Variants in APC observed in about 807,000 individuals in gnomAD.
The protein encoded by APC is adenomatous polyposis coli protein.
A neutral mutation model predicts 247.0 loss-of-function variants in APC; 72 were observed. The ratio of observed to expected loss-of-function variants is 0.29; its 90% CI spans 0.24 to 0.35. The LOEUF (loss-of-function observed/expected upper bound fraction) is 0.35. APC is among the 10% of genes least tolerant of loss of function. The pLI, the probability that APC is intolerant of heterozygous loss-of-function variation, is 1.00. For missense variants in APC, 3,400 were observed against 3,360.7 expected (o/e 1.01, Z -0.29); for synonymous variants, 1,254 against 1,162.5 (o/e 1.08, Z -1.60).
chr5:112,782,363 GAC>G (rs1758442833), intron 6 of APC, among the ~76,000 whole-genome samples: 2 of 152,080 alleles, frequency 1.3e-5, no homozygotes, highest in South Asian at 4.1e-4. Context: ...TTTGGGTGGG[GAC>G]ACAGCCAAAC....
At chr5:112,724,106 A>G (rs1162704805) in intron 1 of APC, among the ~76,000 whole-genome samples, 1 of 152,254 alleles carries the variant, frequency 6.6e-6, no homozygotes, top group Non-Finnish European at 1.5e-5. Flanking sequence ...TATTGTTAGT[A>G]AAGATGAAAA....
At chr5:112,727,762 A>G (rs1171987997) in intron 1 of APC, among the ~76,000 whole-genome samples, 1 of 152,010 alleles carries the variant, frequency 6.6e-6, no homozygotes, top group South Asian at 2.1e-4. Context: ...GGTAACCTTC[A>G]GTCACTAAGC....
At chr5:112,750,119 C>T (rs571281660) in intron 1 of APC, among the ~76,000 whole-genome samples, 4 of 151,680 alleles carry the variant, frequency 2.6e-5, no homozygotes, top group South Asian at 4.2e-4. Context: ...TATGCCACCA[C>T]GCCTGGCTAA....
chr5:112,777,730 T>C (rs1661032), intron 5 of APC: 17,272 of 235,122 alleles, frequency 0.073, 739 homozygotes, highest in Middle Eastern at 0.13. Context: ...TTTGCCTCTT[T>C]TGCCAGCAGC....
At chr5:112,776,339 C>T (rs995956412) in intron 5 of APC, among the ~76,000 whole-genome samples, 2 of 152,078 alleles carry the variant, frequency 1.3e-5, no homozygotes, top group African/African-American at 4.8e-5. Context: ...AAAGATCGAA[C>T]CTGCATATAA....
chr5:112,761,923 A>G (rs1413070706), intron 2 of APC, among the ~76,000 whole-genome samples: 4 of 152,218 alleles, frequency 2.6e-5, no homozygotes, highest in African/African-American at 9.6e-5. Flanking sequence ...TTTTCAGAAG[A>G]CTTCATTAAG....
chr5:112,765,356 T>C (rs1388818369), intron 2 of APC, among the ~76,000 whole-genome samples: 4 of 152,162 alleles, frequency 2.6e-5, no homozygotes, highest in Admixed American at 1.3e-4. Flanking sequence ...TCAAGTGACC[T>C]TCCTGCCTTA....
At chr5:112,804,384 A>G in intron 8 of APC, among the ~76,000 whole-genome samples, 1 of 152,184 alleles carries the variant, frequency 6.6e-6, no homozygotes, top group South Asian at 2.1e-4. Flanking sequence ...GACTTAGGTA[A>G]TTATAACTTT....
In APC at chr5:112,844,104, C is replaced by G. The variant is rs760103966; in HGVS notation, c.8510C>G (p.Ser2837Cys). ...GTQSPKRHSG[S>C]YLVTSV ...CAAAGTCCTAAGCGCCATTCTGGGTCTTACCTTGTGACATCTGTTTAAAAG... is the reference window on the plus strand; with the variant it reads ...CAAAGTCCTAAGCGCCATTCTGGGTGTTACCTTGTGACATCTGTTTAAAAG... The change falls in exon 16 of 16, where the codon TCT (serine) becomes TGT (cysteine). Residue 2837 changes from serine to cysteine, a missense_variant. By Grantham distance (112) the Ser-to-Cys change is moderately radical. Coordinates refer to ENST00000257430, the MANE Select transcript of APC (RefSeq NM_000038.6). 1 of 1,613,098 alleles carries G rather than the reference C, an allele frequency of 6.2e-7. No individual in the cohort carries two copies. Among genetic ancestry groups the G allele is most frequent in the East Asian group, 2.2e-5 (1 of 44,886 alleles).
Position 112,843,366 on chromosome 5 carries a change from A to G in APC, c.7772A>G (p.His2591Arg), listed in dbSNP as rs375393416. The G allele has an allele frequency of 6.2e-7, 1 of 1,613,934 alleles. No homozygotes were observed. Among genetic ancestry groups the G allele is most frequent in the Non-Finnish European group, 8.5e-7 (1 of 1,179,862 alleles). Residue 2591 changes from histidine (H) to arginine (R), a missense_variant, in exon 16 of 16, where the codon CAT becomes CGT. Physicochemically the swap from His to Arg is conservative, Grantham distance 29. This residue lies in a region of APC where 1,788 missense variants were observed against 1,649.5 expected (regional missense o/e 1.08). Transcript: ENST00000257430. The surrounding 1 kb of genome is among the most constrained non-coding windows in gnomAD (Gnocchi z 4.8). ...AAAGCAAAAAGTGAGGATGAAAAAC[A>G]TGTGAACTCTATTTCAGGAACCAAA... ...SEKAKSEDEK[H>R]VNSISGTKQS...
rs201079017 is a variant in APC at position 112,828,990 on chromosome 5, T to C, written c.1743+18T>C. 16 of 1,537,320 alleles carry C rather than the reference T, an allele frequency of 1.0e-5. No individual in the cohort carries two copies. Among genetic ancestry groups the C allele is most frequent in the Middle Eastern group, 1.7e-4 (1 of 5,906 alleles). On this transcript the variant is annotated intron_variant, in intron 14 of 15. Coordinates refer to ENST00000257430, the MANE Select transcript of APC (RefSeq NM_000038.6). ...TTAAAAAGGTACCTTTGAAAACATT[T>C]AGTACTATAATATGAATTTCATGTT...
upstream of APC, among the ~76,000 whole-genome samples, chr5:112,733,203 G>A (rs75760416): frequency 0.037 from 5,566 of 152,250 alleles, 323 homozygotes; most frequent in African/African-American, 0.13. Context: ...TTCTGAAATA[G>A]TTGGAGATAA....
chr5:112,724,255 G>T (rs1351384578), intron 1 of APC, among the ~76,000 whole-genome samples: 1 of 152,000 alleles, frequency 6.6e-6, no homozygotes, highest in Non-Finnish European at 1.5e-5. Context: ...TAGTTATGAA[G>T]AAGAAAAAGC....
intron 6 of APC, among the ~76,000 whole-genome samples, chr5:112,781,374 A>G (rs747456781): frequency 3.9e-5 from 6 of 152,228 alleles, no homozygotes; most frequent in Non-Finnish European, 7.3e-5. Context: ...TCTACCCTCA[A>G]TGTCAAGAAA....
intron 7 of APC, among the ~76,000 whole-genome samples, chr5:112,795,377 G>A (rs966075659): frequency 6.6e-6 from 1 of 152,132 alleles, no homozygotes; most frequent in African/African-American, 2.4e-5. Context: ...CTGAGTTTTG[G>A]TATCCATAAT....
chr5:112,726,071 A>G (rs1239283841), intron 1 of APC, among the ~76,000 whole-genome samples: 3 of 152,270 alleles, frequency 2.0e-5, no homozygotes, highest in East Asian at 3.9e-4. Flanking sequence ...ACAGACGGGC[A>G]GGTGCAGAAG....
rs1422929581 is a variant in APC at position 112,838,172 on chromosome 5, C to G, written c.2578C>G (p.Leu860Val). 2 of 1,614,168 alleles carry G rather than the reference C, an allele frequency of 1.2e-6. No individual in the cohort carries two copies. Among genetic ancestry groups the G allele is most frequent in the South Asian group, 2.2e-5 (2 of 91,084 alleles). Residue 860 changes from leucine to valine, a missense_variant, in exon 16 of 16, where the codon CTA becomes GTA. Physicochemically the swap from Leu to Val is conservative, Grantham distance 32. Around this residue, in one of 9 missense-constraint regions of APC, gnomAD observed 715 missense variants for 656.6 expected, o/e 1.09. Coordinates refer to ENST00000257430, the MANE Select transcript of APC (RefSeq NM_000038.6). ...TTTGGAGAGAGAACGCGGAATTGGTCTAGGCAACTACCATCCAGCAACAGA... is the reference window on the plus strand; with the variant it reads ...TTTGGAGAGAGAACGCGGAATTGGTGTAGGCAACTACCATCCAGCAACAGA... Reference protein sequence around the residue: ...RSLERERGIGLGNYHPATENP... With the variant: ...RSLERERGIGVGNYHPATENP...
At chr5:112,824,951 T>A (rs888354499) in intron 11 of APC, among the ~76,000 whole-genome samples, 2 of 152,186 alleles carry the variant, frequency 1.3e-5, no homozygotes, top group Non-Finnish European at 2.9e-5. Context: ...CAATTTGAGT[T>A]TTTTCCCTGA....
chr5:112,830,782 A>C (rs75209153), intron 14 of APC, among the ~76,000 whole-genome samples: 2 of 152,182 alleles, frequency 1.3e-5, no homozygotes, highest in African/African-American at 4.8e-5. Context: ...TGGGGTTGGG[A>C]GTAGAAGAGA....
Sources: allele counts gnomAD v4.1 joint callset (sites outside exome capture counted in the v4.1 genomes callset), GRCh38; gene constraint gnomAD v4.1.1; regional missense constraint gnomAD v4.1.1; non-coding constraint Gnocchi (gnomAD v3.1); transcripts MANE v1.5; gene names NCBI Gene and HGNC (gene_info 2026-07-23, HGNC 2026-07-21).